PPP3CA: variants seen among roughly 807,000 people sequenced by gnomAD.
The protein encoded by PPP3CA is protein phosphatase 3 catalytic subunit alpha, also known as CAM-PRP catalytic subunit.
A neutral mutation model predicts 66.5 loss-of-function variants in PPP3CA; 14 were observed. The ratio of observed to expected loss-of-function variants is 0.21; its 90% CI spans 0.14 to 0.33. The LOEUF (loss-of-function observed/expected upper bound fraction) is 0.33. Ranked by LOEUF, PPP3CA falls within the 10% of genes least tolerant of loss-of-function variation. The pLI is 1.00. For missense variants in PPP3CA, 317 were observed against 639.5 expected, an observed-to-expected ratio of 0.50 and a Z score of 5.44; for synonymous variants, 232 against 226.2, an observed-to-expected ratio of 1.03 and a Z score of -0.23.
intron 1 of PPP3CA, among the ~76,000 whole-genome samples, chr4:101,253,171 T>G (rs1484809135): frequency 6.6e-6 from 1 of 152,214 alleles, no homozygotes; most frequent in Admixed American, 6.5e-5. Context: ...GCTATGTTTA[T>G]TTAATGAAGT....
At chr4:101,346,593 G>A (rs1021115954) in intron 1 of PPP3CA, 146 bp downstream of exon 1, 9 of 666,078 alleles carry the variant, frequency 1.4e-5, no homozygotes, top group Admixed American at 6.6e-5. Flanking sequence ...CGGGGTTCGC[G>A]GGTTGCACAA....
intron 10 of PPP3CA, among the ~76,000 whole-genome samples, chr4:101,056,519 T>A (rs372343659): frequency 2.6e-5 from 4 of 152,058 alleles, no homozygotes; most frequent in Non-Finnish European, 5.9e-5. Flanking sequence ...TAAAAGACAG[T>A]CATGGACTGT....
Position 101,032,686 on chromosome 4 carries a change from A to G in PPP3CA, c.1242-322T>C, listed in dbSNP as rs184423299. On this transcript the variant is annotated intron_variant, in intron 11 of 13. Transcript: ENST00000394854. Reference sequence around the variant, plus strand: ...TCTCAATACAAAGTGTTTGTTGTGCATTCTGTATGTTAAAAGTGAGCCATA... The same window carrying G: ...TCTCAATACAAAGTGTTTGTTGTGCGTTCTGTATGTTAAAAGTGAGCCATA... 2.0e-3 allele frequency among the ~76,000 whole-genome samples: 301 copies of G among 152,318 alleles called. 2 individuals are homozygous for G. The highest frequency in any genetic ancestry group is 7.0e-3 in the African/African-American group (289 of 41,582).
At chr4:101,106,211 C>G (rs546824646) in intron 3 of PPP3CA, among the ~76,000 whole-genome samples, 2 of 151,316 alleles carry the variant, frequency 1.3e-5, no homozygotes, top group East Asian at 3.9e-4. Flanking sequence ...GTCCCAGCTA[C>G]TTGGGAGGCT....
At chr4:101,032,206 C>T in intron 12 of PPP3CA, 61 bp downstream of exon 12, 1 of 1,251,262 alleles carries the variant, frequency 8.0e-7, no homozygotes, top group Non-Finnish European at 1.1e-6. Flanking sequence ...TAAATCAGGG[C>T]TCTAATGACA....
intron 2 of PPP3CA, among the ~76,000 whole-genome samples, chr4:101,124,800 A>AAAGG (rs879679931): frequency 2.3e-4 from 18 of 76,868 alleles, no homozygotes; most frequent in African/African-American, 1.4e-3. Flanking sequence ...AGAAAGAAAG[A>AAAGG]GAAAACTGTA....
At chr4:101,193,853 T>G (rs770855737) in intron 2 of PPP3CA, among the ~76,000 whole-genome samples, 1 of 152,202 alleles carries the variant, frequency 6.6e-6, no homozygotes, top group Non-Finnish European at 1.5e-5. Flanking sequence ...AATTCCTCAG[T>G]TTTTCTTAAA....
At chr4:101,231,666 T>C (rs1297833385) in intron 1 of PPP3CA, among the ~76,000 whole-genome samples, 4 of 151,708 alleles carry the variant, frequency 2.6e-5, no homozygotes, top group African/African-American at 4.8e-5. Flanking sequence ...ATAACACATA[T>C]CTTGCTGCAA....
intron 1 of PPP3CA, among the ~76,000 whole-genome samples, chr4:101,287,449 C>T (rs141086837): frequency 2.4e-3 from 363 of 152,292 alleles, no homozygotes; most frequent in African/African-American, 8.5e-3. Context: ...TGACAACATT[C>T]TTGTTTTGAA....
chr4:101,139,347 C>CAAA (rs56658441), intron 2 of PPP3CA, among the ~76,000 whole-genome samples: 2 of 96,746 alleles, frequency 2.1e-5, no homozygotes, highest in Admixed American at 1.1e-4. Context: ...GACTCCGTCT[C>CAAA]AAAAAAAAAA....
chr4:101,096,428 G>T (rs1423778418), intron 5 of PPP3CA, among the ~76,000 whole-genome samples: 1 of 152,132 alleles, frequency 6.6e-6, no homozygotes, highest in Admixed American at 6.6e-5. Context: ...TGTAGTAGAG[G>T]TTTACAACCT....
At chr4:101,181,807 G>T (rs1724244878) in intron 2 of PPP3CA, among the ~76,000 whole-genome samples, 3 of 152,012 alleles carry the variant, frequency 2.0e-5, no homozygotes, top group South Asian at 2.1e-4. Flanking sequence ...ATTATGAGGA[G>T]ACTTACATAT....
intron 2 of PPP3CA, among the ~76,000 whole-genome samples, chr4:101,165,092 G>A (rs1018994642): frequency 6.6e-6 from 1 of 152,036 alleles, no homozygotes; most frequent in African/African-American, 2.4e-5. Context: ...TATGCTCTAT[G>A]GAATCTGCGA....
chr4:101,141,711 T>G (rs989985600), intron 2 of PPP3CA, among the ~76,000 whole-genome samples: 5 of 152,206 alleles, frequency 3.3e-5, no homozygotes, highest in African/African-American at 1.2e-4. Flanking sequence ...ACAGCACTTG[T>G]TACAACCTCA....
intron 2 of PPP3CA, among the ~76,000 whole-genome samples, chr4:101,123,491 A>T (rs1396995410): frequency 6.6e-6 from 1 of 152,142 alleles, no homozygotes; most frequent in Non-Finnish European, 1.5e-5. Flanking sequence ...AGATCTATAA[A>T]CTTGAAGTTT....
intron 6 of PPP3CA, among the ~76,000 whole-genome samples, chr4:101,086,112 T>C (rs10026214): frequency 0.19 from 28,195 of 151,986 alleles, 3,359 homozygotes; most frequent in African/African-American, 0.33. Context: ...TTTTAAAAAA[T>C]TACTATATTA....
At chr4:101,245,850 C>T (rs1464374431) in intron 1 of PPP3CA, among the ~76,000 whole-genome samples, 1 of 152,014 alleles carries the variant, frequency 6.6e-6, no homozygotes, top group Non-Finnish European at 1.5e-5. Flanking sequence ...CCCTTCAGAA[C>T]ACACATTAAA....
At chr4:101,203,603 T>A (rs1290862992) in intron 1 of PPP3CA, among the ~76,000 whole-genome samples, 1 of 152,214 alleles carries the variant, frequency 6.6e-6, no homozygotes, top group Admixed American at 6.5e-5. Flanking sequence ...TATCTGAATT[T>A]CAAAATAGTT....
At chr4:101,114,331 A>G (rs749150774) in intron 2 of PPP3CA, among the ~76,000 whole-genome samples, 2 of 152,116 alleles carry the variant, frequency 1.3e-5, no homozygotes, top group Non-Finnish European at 1.5e-5. Context: ...ATTTTTCTGG[A>G]GCATTACTAT....
Sources: gnomAD v4.1 joint callset for allele counts (sites outside exome capture counted in the v4.1 genomes callset) on GRCh38, gnomAD v4.1.1 for gene constraint, MANE v1.5 for transcripts, NCBI Gene and HGNC (gene_info 2026-07-23, HGNC 2026-07-21) for gene names.